ATF6: variants seen among roughly 807,000 people sequenced by gnomAD.
ATF6 encodes activating transcription factor 6.
Under a neutral mutation model 83.6 loss-of-function variants are expected in ATF6, and 53 were observed. The observed-to-expected ratio is 0.63, with a 90% confidence interval of 0.51 to 0.80. The LOEUF (loss-of-function observed/expected upper bound fraction) is 0.80, where lower values mean the gene tolerates loss of function less well. ATF6 is among the 30% of genes least tolerant of loss of function. The pLI, the probability that ATF6 is intolerant of heterozygous loss-of-function variation, is 0.00. For synonymous variants in ATF6, 288 were observed against 285.8 expected, an observed-to-expected ratio of 1.01 and a Z score of -0.08; for missense variants, 744 against 797.9, an observed-to-expected ratio of 0.93 and a Z score of 0.81.
At chr1:161,826,985 G>A (rs1685918129) in intron 9 of ATF6, among the ~76,000 whole-genome samples, 1 of 143,680 alleles carries the variant, frequency 7.0e-6, no homozygotes, top group Non-Finnish European at 1.5e-5. Context: ...AGGCTGGAGT[G>A]CAGTGGTGCG....
chr1:161,767,980 C>T (rs1052181400), intron 1 of ATF6, among the ~76,000 whole-genome samples: 1 of 152,144 alleles, frequency 6.6e-6, no homozygotes, highest in Non-Finnish European at 1.5e-5. Flanking sequence ...CTCAGCCTCC[C>T]GAGTAGCTGG....
intron 14 of ATF6, among the ~76,000 whole-genome samples, chr1:161,874,690 C>A (rs909584195): frequency 6.6e-6 from 1 of 151,526 alleles, no homozygotes; most frequent in Non-Finnish European, 1.5e-5. Flanking sequence ...GTTGAATTCT[C>A]CCCCCAAAAT....
At chr1:161,792,357 A>G (rs1262840140) in intron 6 of ATF6, 30 bp downstream of exon 6, 14 of 1,591,980 alleles carry the variant, frequency 8.8e-6, no homozygotes, top group Non-Finnish European at 1.7e-6. Context: ...GGCTGTGTAA[A>G]TTTATTTGGA....
chr1:161,902,830 A>C (rs549569673), intron 14 of ATF6, among the ~76,000 whole-genome samples: 1 of 152,300 alleles, frequency 6.6e-6, no homozygotes, highest in South Asian at 2.1e-4. Flanking sequence ...TAAAGCAGAG[A>C]AAGGAAAGGA....
chr1:161,946,823 A>G (rs1295773293), intron 15 of ATF6, among the ~76,000 whole-genome samples: 1 of 152,224 alleles, frequency 6.6e-6, no homozygotes, highest in Non-Finnish European at 1.5e-5. Context: ...AAAGCAAAAA[A>G]CTTCTCGCCC....
intron 1 of ATF6, 87 bp from the exon 2 acceptor site, chr1:161,778,157 A>T: frequency 9.7e-7 from 1 of 1,031,076 alleles, no homozygotes; most frequent in East Asian, 2.5e-5. Context: ...AGAAACCTTA[A>T]TAGAGGTGAC....
At chr1:161,943,896 A>G (rs191088214) in intron 15 of ATF6, among the ~76,000 whole-genome samples, 32 of 152,284 alleles carry the variant, frequency 2.1e-4, no homozygotes, top group Non-Finnish European at 8.8e-5. Flanking sequence ...TCTCTCGCTT[A>G]CCATCTGCTC....
chr1:161,914,884 C>T (rs1475807625), intron 15 of ATF6, among the ~76,000 whole-genome samples: 1 of 152,186 alleles, frequency 6.6e-6, no homozygotes, highest in Non-Finnish European at 1.5e-5. Flanking sequence ...CAGCTCTTCT[C>T]TCTATGCCTG....
intron 14 of ATF6, among the ~76,000 whole-genome samples, chr1:161,889,920 A>G (rs764838075): frequency 1.1e-3 from 170 of 152,348 alleles, no homozygotes; most frequent in Non-Finnish European, 1.3e-3. Context: ...TTATTTTGAC[A>G]TAATTTCAAA....
At chr1:161,945,651 G>A (rs1688733104) in intron 15 of ATF6, among the ~76,000 whole-genome samples, 1 of 152,134 alleles carries the variant, frequency 6.6e-6, no homozygotes, top group Non-Finnish European at 1.5e-5. Flanking sequence ...GTTAATTTGT[G>A]TTAGATATAG....
chr1:161,766,683 A>T (rs2271010), intron 1 of ATF6, among the ~76,000 whole-genome samples: 1 of 152,092 alleles, frequency 6.6e-6, no homozygotes, highest in Non-Finnish European at 1.5e-5. Context: ...CACTATTCCC[A>T]CTGGGGAAGT....
At chr1:161,923,333 A>T (rs552412841) in intron 15 of ATF6, among the ~76,000 whole-genome samples, 26 of 152,124 alleles carry the variant, frequency 1.7e-4, no homozygotes, top group African/African-American at 5.8e-4. Context: ...TTGCCTTTTT[A>T]TGATTCACAA....
chr1:161,795,564 G>A (rs1272509744), intron 6 of ATF6, among the ~76,000 whole-genome samples: 2 of 152,142 alleles, frequency 1.3e-5, no homozygotes, highest in African/African-American at 2.4e-5. Context: ...TAAAATCTTT[G>A]AAGAAAGTTT....
chr1:161,803,084 G>C (rs544555778), intron 7 of ATF6, among the ~76,000 whole-genome samples: 1 of 152,318 alleles, frequency 6.6e-6, no homozygotes, highest in African/African-American at 2.4e-5. Context: ...ACTACTAGTT[G>C]TTAATATTAC....
chr1:161,799,307 T>C (rs1039587407), intron 6 of ATF6, among the ~76,000 whole-genome samples: 2 of 152,176 alleles, frequency 1.3e-5, no homozygotes, highest in African/African-American at 4.8e-5. Flanking sequence ...AAGGCCATTA[T>C]CCTAAGATAA....
chr1:161,808,560 T>A (rs976526645), intron 7 of ATF6, among the ~76,000 whole-genome samples: 2 of 152,132 alleles, frequency 1.3e-5, no homozygotes, highest in African/African-American at 4.8e-5. Flanking sequence ...CATTCCTTTT[T>A]TAAATTTTTA....
chr1:161,941,809 A>G (rs1688650389), intron 15 of ATF6, among the ~76,000 whole-genome samples: 1 of 152,212 alleles, frequency 6.6e-6, no homozygotes, highest in Non-Finnish European at 1.5e-5. Flanking sequence ...GCACTAAATG[A>G]TGACTTAAAG....
chr1:161,837,622 A>AT (rs569010142), intron 9 of ATF6, among the ~76,000 whole-genome samples: 44,683 of 144,404 alleles, frequency 0.31, 7,752 homozygotes, highest in East Asian at 0.53. Flanking sequence ...CCTTTCTCCC[A>AT]TTTTTTTTTT....
chr1:161,877,661 C>T (rs936307747), intron 14 of ATF6, among the ~76,000 whole-genome samples: 6 of 152,070 alleles, frequency 3.9e-5, no homozygotes, highest in African/African-American at 1.4e-4. Context: ...AGCAGAATAA[C>T]ACGAATGATT....
Sources: gnomAD v4.1 joint callset for allele counts (sites outside exome capture counted in the v4.1 genomes callset) on GRCh38, gnomAD v4.1.1 for gene constraint, MANE v1.5 for transcripts, NCBI Gene and HGNC (gene_info 2026-07-23, HGNC 2026-07-21) for gene names.